Variants in HEATR6 observed in about 807,000 individuals in gnomAD.
The protein encoded by HEATR6 is HEAT repeat containing 6, also known as HEAT repeat-containing protein 6.
A neutral mutation model predicts 132.8 loss-of-function variants in HEATR6; 106 were observed. That is an observed-to-expected ratio of 0.80 (90% CI 0.68 to 0.94). The LOEUF (loss-of-function observed/expected upper bound fraction) is 0.94. Ranked by LOEUF, HEATR6 falls within the 40% of genes least tolerant of loss-of-function variation. HEATR6 has a pLI of 0.00. For synonymous variants in HEATR6, 529 were observed against 537.8 expected, an observed-to-expected ratio of 0.98 and a Z score of 0.23; for missense variants, 1,339 against 1,425.1, an observed-to-expected ratio of 0.94 and a Z score of 0.97.
At chr17:60,054,359 GC>G in intron 14 of HEATR6, among the ~76,000 whole-genome samples, 1 of 152,356 alleles carries the variant, frequency 6.6e-6, no homozygotes, top group Non-Finnish European at 1.5e-5. Context: ...CAGGGACAGA[GC>G]CCCCACTGAG....
chr17:60,042,020 G>T lies in HEATR6; in HGVS notation c.*1543C>A, dbSNP rs572712179. On this transcript the variant is annotated 3_prime_UTR_variant, in exon 20 of 20. Transcript: ENST00000184956. ...AAAATTTAAATATATATATTCAGTA[G>T]AAGTTACCTTCATAACTTGTGGGGC... 2.4e-4 allele frequency among the ~76,000 whole-genome samples: 36 copies of T among 152,180 alleles called. No individual in the cohort carries two copies. Among genetic ancestry groups the T allele is most frequent in the South Asian group, 1.2e-3 (6 of 4,822 alleles).
At chr17:60,072,037 CT>C (rs1462644533) in intron 5 of HEATR6, among the ~76,000 whole-genome samples, 177 bp downstream of exon 5, 1 of 152,044 alleles carries the variant, frequency 6.6e-6, no homozygotes, top group Admixed American at 6.6e-5. Context: ...AAATAAAAAG[CT>C]TCTTATAATT....
Position 60,073,764 on chromosome 17 carries a change from A to G in HEATR6, c.450T>C (p.Asn150=), listed in dbSNP as rs757573834. 6.2e-7 allele frequency: 1 copy of G among 1,614,030 alleles called. No homozygotes were observed. The highest frequency in any genetic ancestry group is 1.1e-5 in the South Asian group (1 of 91,060). The change falls in exon 3 of 20, where the codon AAT becomes AAC. Residue 150 remains asparagine, a synonymous_variant. Transcript: ENST00000184956. ...AAACTACCTTTTGACATTTGGAGCC[A>G]TTGCAGTACACCAGAGCTGCCAGGG... ...LQALAALVYC[N]GSKCQKYLPE...
At chr17:60,047,209 G>T in intron 18 of HEATR6, 100 bp downstream of exon 18, 1 of 714,680 alleles carries the variant, frequency 1.4e-6, no homozygotes. Context: ...ACATTTGGTG[G>T]GACAGTCTGA....
chr17:60,044,260 C>T, intron 19 of HEATR6, 126 bp from the exon 20 acceptor site: 4 of 690,030 alleles, frequency 5.8e-6, no homozygotes, highest in South Asian at 1.9e-5. Flanking sequence ...TCACTTCATT[C>T]TCACAATCAT....
intron 9 of HEATR6, chr17:60,064,068 G>C (rs926519909): frequency 2.0e-5 from 3 of 152,148 alleles, no homozygotes; most frequent in African/African-American, 7.2e-5. Flanking sequence ...CCAGCACTTT[G>C]GGAGGCCAAG....
chr17:60,063,634 TATTGTTGGC>T (rs1353136916), intron 9 of HEATR6: 2 of 160,974 alleles, frequency 1.2e-5, no homozygotes, highest in East Asian at 3.4e-4. Flanking sequence ...AGCCTCTGTT[TATTGTTGGC>T]ATTCTGACTG....
Position 60,057,214 on chromosome 17 carries a change from T to C in HEATR6, c.1913A>G (p.Glu638Gly). Residue 638 changes from glutamate to glycine, a missense_variant, in exon 12 of 20, where the codon GAA becomes GGA. Coordinates refer to ENST00000184956, the MANE Select transcript of HEATR6 (RefSeq NM_022070.5). ...CCCCTTAGGTGAGCTAACTGACGTT[T>C]CTTCCAGAGAGGGTCCTGCAGGGGC... is the stretch of plus-strand genomic sequence containing the variant. ...KKAPAGPSLE[E>G]TSVSSPKGSS... The C allele has an allele frequency of 6.2e-7, 1 of 1,614,206 alleles. No individual in the cohort carries two copies. The highest frequency in any genetic ancestry group is 8.5e-7 in the Non-Finnish European group (1 of 1,180,038).
At chr17:60,047,863 G>A (rs550876800) in intron 17 of HEATR6, among the ~76,000 whole-genome samples, 27 of 152,322 alleles carry the variant, frequency 1.8e-4, no homozygotes, top group African/African-American at 6.5e-4. Context: ...GGGAACTAAG[G>A]TGTCAGGGTA....
At chr17:60,072,555 C>T (rs934246857) in intron 4 of HEATR6, among the ~76,000 whole-genome samples, 3 of 152,108 alleles carry the variant, frequency 2.0e-5, no homozygotes, top group African/African-American at 4.8e-5. Context: ...AGAAAGGTTA[C>T]AGAAGTTTGT....
intron 19 of HEATR6, 132 bp from the exon 20 acceptor site, chr17:60,044,266 A>G: frequency 2.9e-6 from 2 of 679,576 alleles, no homozygotes; most frequent in Non-Finnish European, 4.9e-6. Context: ...CATTCTCACA[A>G]TCATCCTGTA....
At chr17:60,055,642 A>C (rs1274728649) in intron 13 of HEATR6, 41 bp from the exon 14 acceptor site, 1 of 1,422,382 alleles carries the variant, frequency 7.0e-7, no homozygotes, top group Non-Finnish European at 9.8e-7. Flanking sequence ...CATCAGAACT[A>C]ATGAATGACT....
rs1339684336 is a variant in HEATR6, at chr17:60,043,902, C to A, written c.3207G>T (p.Arg1069=). The A allele has an allele frequency of 5.0e-6, 8 of 1,613,996 alleles. No homozygotes were observed. The highest frequency in any genetic ancestry group is 6.8e-6 in the Non-Finnish European group (8 of 1,180,000). The change falls in exon 20 of 20, where the codon CGG becomes CGT. Residue 1069 remains arginine, a synonymous_variant. Coordinates refer to ENST00000184956, the MANE Select transcript of HEATR6 (RefSeq NM_022070.5). ...FLEFKYCVSL[R]TQICQALIHL... ...GAATCAGTGCCTGGCAGATTTGGGT[C>A]CGTAGGCTGACACAGTACTTGAATT...
At position 60,067,317 on chromosome 17, in the gene HEATR6, C is replaced by A. The variant is rs953433806; in HGVS notation, c.1238+117G>T. The A allele has an allele frequency of 4.9e-6, 3 of 612,622 alleles. No individual in the cohort carries two copies. The East Asian group carries it at 9.3e-5, about 19-fold the overall frequency. The allele number at this position is 612,622 out of a possible 1,614,324, so 37.9% of individuals were successfully genotyped here. A position where few individuals can be genotyped will look rare whatever the true frequency, so the allele number is the denominator to read the frequency against. ...AGAACAAGTCATGTTCTGAATAACACCATGCCCCCCAGAAATCAGGCTCTT... is the reference window on the plus strand; with the variant it reads ...AGAACAAGTCATGTTCTGAATAACAACATGCCCCCCAGAAATCAGGCTCTT... On this transcript the variant is annotated intron_variant, in intron 8 of 19. Coordinates refer to ENST00000184956, the MANE Select transcript of HEATR6 (RefSeq NM_022070.5).
At chr17:60,059,126 CA>C (rs1260453109) in intron 11 of HEATR6, among the ~76,000 whole-genome samples, 2 of 152,176 alleles carry the variant, frequency 1.3e-5, no homozygotes, top group African/African-American at 2.4e-5. Flanking sequence ...TCATACTCCT[CA>C]GGGGGGCTGC....
At chr17:60,049,002 ATAT>A (rs1293053076) in intron 16 of HEATR6, among the ~76,000 whole-genome samples, 5 of 131,674 alleles carry the variant, frequency 3.8e-5, no homozygotes, top group South Asian at 2.3e-4. Flanking sequence ...ATATATATAT[ATAT>A]ATATATATAT....
chr17:60,046,106 G>C lies in HEATR6; in HGVS notation c.2893C>G (p.Leu965Val). The part of the protein sequence containing the change: ...ESIQALISTV[L>V]TEAAMKVRWN... ...CGGACTTTCATGGCAGCTTCTGTTA[G>C]AACAGTAGAAATTAGGGCCTGGATA... The change falls in exon 19 of 20, where the codon CTA becomes GTA. Residue 965 changes from leucine to valine, a missense_variant. Physicochemically the swap from Leu to Val is conservative, Grantham distance 32 (BLOSUM62 1). Transcript: ENST00000184956. The C allele has an allele frequency of 6.2e-7, 1 of 1,613,888 alleles. No individual in the cohort carries two copies.
intron 1 of HEATR6, among the ~76,000 whole-genome samples, chr17:60,077,737 A>G (rs1415792015): frequency 6.6e-6 from 1 of 152,234 alleles, no homozygotes; most frequent in African/African-American, 2.4e-5. Flanking sequence ...CATTGGAGGA[A>G]TGACTGGCTT....
chr17:60,072,044 T>C lies in HEATR6; in HGVS notation c.699+171A>G, dbSNP rs28691777. ...AATATAACAAATAAAAAGCTTCTTA[T>C]AATTTAAACCGAAATGGTATGATTT... On this transcript the variant is annotated intron_variant, in intron 5 of 19. Coordinates refer to ENST00000184956, the MANE Select transcript of HEATR6 (RefSeq NM_022070.5). Among the ~76,000 whole-genome samples, 15,393 of 152,248 alleles carry C rather than the reference T, an allele frequency of 0.1. 1,052 individuals are homozygous for C. The highest frequency in any genetic ancestry group is 0.19 in the African/African-American group (8,002 of 41,514).
Sources: gnomAD v4.1 joint callset for allele counts (sites outside exome capture counted in the v4.1 genomes callset) on GRCh38, gnomAD v4.1.1 for gene constraint, MANE v1.5 for transcripts, NCBI Gene and HGNC (gene_info 2026-07-23, HGNC 2026-07-21) for gene names.